The following C3orf20 variants were observed in gnomAD, a reference collection of about 807,000 sequenced individuals.
C3orf20 encodes uncharacterized protein C3orf20.
In C3orf20, 76 loss-of-function variants were observed where a neutral mutation model predicts 88.3. That is an observed-to-expected ratio of 0.86 (90% CI 0.72 to 1.04). C3orf20 has a LOEUF of 1.04. C3orf20 is among the 50% of genes least tolerant of loss of function. The pLI, the probability that C3orf20 is intolerant of heterozygous loss-of-function variation, is 0.00. For synonymous variants in C3orf20, 436 were observed against 437.4 expected, an observed-to-expected ratio of 1.00 and a Z score of 0.04; for missense variants, 1,056 against 1,123.3, an observed-to-expected ratio of 0.94 and a Z score of 0.86.
In C3orf20 at chr3:14,757,607, AGCTCCAGTGGCT is replaced by A; in HGVS notation, c.2181_2192del (p.Gln728_Leu731del). ...AGCCAGAACTACACCAGCACTGGGC[AGCTCCAGTGGCT>A]GCTGAACACTCTCTACAACCACCAG... On this transcript the variant is annotated inframe_deletion, in exon 13 of 17. Transcript: ENST00000253697. 1 of 1,613,952 alleles carries A rather than the reference AGCTCCAGTGGCT, an allele frequency of 6.2e-7. No individual in the cohort carries two copies. The highest frequency in any genetic ancestry group is 8.5e-7 in the Non-Finnish European group (1 of 1,179,988).
At chr3:14,706,924 A>G (rs1575111005) in intron 7 of C3orf20, among the ~76,000 whole-genome samples, 1 of 152,166 alleles carries the variant, frequency 6.6e-6, no homozygotes, top group East Asian at 1.9e-4. Flanking sequence ...TTCTGTTTTC[A>G]TAGATATTGC....
chr3:14,730,549 A>AAATAAT (rs370620909), intron 12 of C3orf20, among the ~76,000 whole-genome samples: 3 of 151,924 alleles, frequency 2.0e-5, no homozygotes, highest in African/African-American at 7.2e-5. Flanking sequence ...TGTGTCTCAA[A>AAATAAT]AATAATAATA....
intron 10 of C3orf20, among the ~76,000 whole-genome samples, chr3:14,724,816 T>A (rs943319470): frequency 2.6e-5 from 4 of 152,240 alleles, no homozygotes; most frequent in Non-Finnish European, 5.9e-5. Flanking sequence ...TAGTGGATCA[T>A]GCTGGGCTAG....
Position 14,712,182 on chromosome 3 carries a change from GCACACACA to G in C3orf20, c.1161-1798_1161-1791del, listed in dbSNP as rs1198777411. Among the ~76,000 whole-genome samples the G allele has an allele frequency of 0.014, 304 of 22,464 alleles. 1 individual carries two copies. In the Middle Eastern group the frequency reaches 0.25, roughly 18 times the overall value. The allele number at this position is 22,464 out of a possible 152,430, so 14.7% of individuals were successfully genotyped here. A position where few individuals can be genotyped will look rare whatever the true frequency, so the allele number is the denominator to read the frequency against. On this transcript the variant is annotated intron_variant, in intron 7 of 16. Transcript: ENST00000253697. The stretch of plus-strand genomic sequence containing the variant: ...CACACACGCACACACACGCGCGCGC[GCACACACA>G]CACACACACACACACACACACACAC...
chr3:14,687,087 G>A lies in C3orf20; in HGVS notation c.625+2705G>A, dbSNP rs753413. 5.1e-3 allele frequency among the ~76,000 whole-genome samples: 772 copies of A among 152,270 alleles called. 5 individuals carry two copies. The highest frequency in any genetic ancestry group is 0.018 in the African/African-American group (730 of 41,548). On this transcript the variant is annotated intron_variant, in intron 4 of 16. Coordinates refer to ENST00000253697, the MANE Select transcript of C3orf20 (RefSeq NM_032137.5). ...GCCGCCTGCCGCAGAAGGGAAAACC[G>A]AATACAGGATCATGACTCCATGGAG...
chr3:14,737,762 A>C (rs1297596912), intron 12 of C3orf20, among the ~76,000 whole-genome samples: 3 of 152,216 alleles, frequency 2.0e-5, no homozygotes, highest in Non-Finnish European at 4.4e-5. Context: ...GTTTGATAGA[A>C]TTTTGCCCAT....
At chr3:14,732,553 C>T (rs2034571455) in intron 12 of C3orf20, among the ~76,000 whole-genome samples, 1 of 152,122 alleles carries the variant, frequency 6.6e-6, no homozygotes, top group Non-Finnish European at 1.5e-5. Context: ...TTGTTTAACC[C>T]AGTGTTTCTC....
chr3:14,714,063 C>T lies in C3orf20; in HGVS notation c.1217C>T (p.Thr406Ile), dbSNP rs1166049309. 6.2e-7 allele frequency: 1 copy of T among 1,614,110 alleles called. No homozygotes were observed. The highest frequency in any genetic ancestry group is 1.7e-5 in the Admixed American group (1 of 60,014). Reference protein sequence around the residue: ...CQIPTCCRGRTITCLFNDIPG... With the variant: ...CQIPTCCRGRIITCLFNDIPG... ...ATCCCCACATGCTGCAGAGGGAGAA[C>T]CATCACCTGCCTCTTTAATGACATA... Residue 406 changes from threonine to isoleucine, a missense_variant, in exon 8 of 17, where the codon ACC (threonine) becomes ATC (isoleucine). Transcript: ENST00000253697.
At chr3:14,683,903 G>T (rs187351852) in intron 3 of C3orf20, among the ~76,000 whole-genome samples, 134 of 151,548 alleles carry the variant, frequency 8.8e-4, no homozygotes, top group African/African-American at 3.1e-3. Context: ...AAAGAACCGG[G>T]GTCCTTCCAA....
intron 15 of C3orf20, chr3:14,764,806 T>G (rs548312672): frequency 6.6e-6 from 1 of 152,354 alleles, no homozygotes; most frequent in South Asian, 2.1e-4. Flanking sequence ...GAAGCTGTCT[T>G]GCCTTTCATG....
chr3:14,743,927 G>A (rs9875191), intron 12 of C3orf20, among the ~76,000 whole-genome samples: 2,167 of 152,090 alleles, frequency 0.014, 112 homozygotes, highest in African/African-American at 0.049. Context: ...TTTCCTCCTG[G>A]GCCTCCAGGC....
At position 14,772,944 on chromosome 3, in the gene C3orf20, C is replaced by A; in HGVS notation, c.*69C>A. ...GTGCTGGGGCTTCTTGCCAGCCCAG[C>A]CCTGCCTCCCCGGTCTCCCACCCTG... On this transcript the variant is annotated 3_prime_UTR_variant, in exon 17 of 17. Coordinates refer to ENST00000253697, the MANE Select transcript of C3orf20 (RefSeq NM_032137.5). This position sits in a 1 kb window ranked among gnomAD's most constrained non-coding sequence, Gnocchi z 4.2. 8.4e-7 allele frequency: 1 copy of A among 1,187,756 alleles called. No individual in the cohort carries two copies. The highest frequency in any genetic ancestry group is 1.3e-6 in the Non-Finnish European group (1 of 797,782). The allele number at this position is 1,187,756 out of a possible 1,614,324, so 73.6% of individuals were successfully genotyped here. A position where few individuals can be genotyped will look rare whatever the true frequency, so the allele number is the denominator to read the frequency against.
intron 9 of C3orf20, 135 bp from the exon 10 acceptor site, chr3:14,721,518 A>G: frequency 1.6e-6 from 2 of 1,271,462 alleles, no homozygotes; most frequent in Non-Finnish European, 2.2e-6. Context: ...GCGGAATTCT[A>G]ACATAAGAAC....
intron 12 of C3orf20, among the ~76,000 whole-genome samples, chr3:14,736,090 A>G (rs1274256366): frequency 6.6e-6 from 1 of 152,160 alleles, no homozygotes; most frequent in Non-Finnish European, 1.5e-5. Flanking sequence ...TTTTCAAAAT[A>G]TTCTCTTGTG....
At chr3:14,691,382 G>T (rs953879216) in intron 5 of C3orf20, among the ~76,000 whole-genome samples, 4 of 152,212 alleles carry the variant, frequency 2.6e-5, no homozygotes, top group African/African-American at 9.6e-5. Flanking sequence ...CCCACAGTCA[G>T]TTTGAGGGAA....
intron 7 of C3orf20, among the ~76,000 whole-genome samples, chr3:14,708,777 G>C (rs1042798148): frequency 3.9e-5 from 6 of 152,058 alleles, no homozygotes; most frequent in Admixed American, 2.6e-4. Flanking sequence ...CCAGATAGCT[G>C]GGACTACAGG....
intron 10 of C3orf20, among the ~76,000 whole-genome samples, chr3:14,725,185 A>G (rs746874790): frequency 2.6e-5 from 4 of 152,238 alleles, no homozygotes; most frequent in South Asian, 2.1e-4. Context: ...GACCTTAACC[A>G]TGTGGTTAAG....
chr3:14,702,698 C>G (rs551307294), intron 5 of C3orf20, among the ~76,000 whole-genome samples: 52 of 152,216 alleles, frequency 3.4e-4, no homozygotes, highest in African/African-American at 1.2e-3. Context: ...GCCTTGGCCT[C>G]CCAAAGTGCT....
intron 5 of C3orf20, among the ~76,000 whole-genome samples, chr3:14,699,295 T>A (rs2033147030): frequency 6.6e-6 from 1 of 152,178 alleles, no homozygotes; most frequent in South Asian, 2.1e-4. Context: ...TCTTTACTTT[T>A]CCCTCTGCTT....
Sources: gnomAD v4.1 joint callset for allele counts (sites outside exome capture counted in the v4.1 genomes callset) on GRCh38, gnomAD v4.1.1 for gene constraint, Gnocchi (gnomAD v3.1) non-coding constraint, MANE v1.5 for transcripts, NCBI Gene and HGNC (gene_info 2026-07-23, HGNC 2026-07-21) for gene names.